Variants in RBM5 observed in about 807,000 individuals in gnomAD.
RBM5 encodes the protein RNA binding motif protein 5.
Under a neutral mutation model 124.6 loss-of-function variants are expected in RBM5, and 15 were observed. That is an observed-to-expected ratio of 0.12 (90% CI 0.08 to 0.19). RBM5 has a LOEUF of 0.19. Among genes scored for constraint, RBM5 ranks in the 10% least tolerant of loss-of-function variants. The pLI, the probability that RBM5 is intolerant of heterozygous loss-of-function variation, is 1.00. For missense variants in RBM5, 580 were observed against 1,026.5 expected (o/e 0.57, Z 5.94); for synonymous variants, 337 against 361.2 (o/e 0.93, Z 0.76).
chr3:50,109,845 T>C (rs1305733426), intron 15 of RBM5, 157 bp downstream of exon 15: 3 of 560,082 alleles, frequency 5.4e-6, no homozygotes, highest in East Asian at 5.9e-5. Context: ...TTTTATGATA[T>C]ATATGTGCAT....
chr3:50,098,662 TC>T (rs2090873498), intron 4 of RBM5, among the ~76,000 whole-genome samples: 1 of 152,070 alleles, frequency 6.6e-6, no homozygotes, highest in Non-Finnish European at 1.5e-5. Context: ...CAGGATGGTC[TC>T]CATCTCTTGA....
chr3:50,106,584 G>A (rs955777921), intron 10 of RBM5, among the ~76,000 whole-genome samples, 183 bp from the exon 11 acceptor site: 1 of 152,150 alleles, frequency 6.6e-6, no homozygotes, highest in African/African-American at 2.4e-5. Context: ...TGGTAATACT[G>A]GAAACCTTCA....
chr3:50,115,395 A>G, intron 20 of RBM5, 33 bp from the exon 21 acceptor site: 2 of 1,602,052 alleles, frequency 1.2e-6, no homozygotes, highest in Non-Finnish European at 8.5e-7. Flanking sequence ...CCTATTGTAC[A>G]TTTCCAGTGA....
intron 14 of RBM5, among the ~76,000 whole-genome samples, chr3:50,108,653 G>A (rs6786780): frequency 0.033 from 4,978 of 152,140 alleles, 301 homozygotes; most frequent in African/African-American, 0.12. Flanking sequence ...ATTGCAGTGA[G>A]CTGAGATTGC....
At chr3:50,118,203 T>G in intron 24 of RBM5, 128 bp from the exon 25 acceptor site, 1 of 1,288,398 alleles carries the variant, frequency 7.8e-7, no homozygotes, top group Non-Finnish European at 1.1e-6. Flanking sequence ...GAGAAATCCT[T>G]GTCTTCATAT....
At chr3:50,110,350 A>C (rs1453816258) in intron 15 of RBM5, 29 bp from the exon 16 acceptor site, 5 of 1,602,090 alleles carry the variant, frequency 3.1e-6, no homozygotes, top group Non-Finnish European at 4.3e-6. Context: ...TTACAGTTGA[A>C]ATTATATTGA....
At chr3:50,103,998 T>C (rs1446017403) in intron 7 of RBM5, among the ~76,000 whole-genome samples, 1 of 152,194 alleles carries the variant, frequency 6.6e-6, no homozygotes, top group Non-Finnish European at 1.5e-5. Flanking sequence ...AGTTTTCAAA[T>C]TAACTGAACC....
intron 4 of RBM5, among the ~76,000 whole-genome samples, chr3:50,095,234 C>T (rs2090789449): frequency 2.6e-5 from 4 of 152,124 alleles, no homozygotes; most frequent in Admixed American, 2.6e-4. Context: ...CATATTTAGG[C>T]TTTGAAGCTC....
Position 50,106,812 on chromosome 3 carries a change from T to C in RBM5, c.901T>C (p.Leu301=), listed in dbSNP as rs145275102. 1,025 of 1,613,404 alleles carry C rather than the reference T, an allele frequency of 6.4e-4. 11 individuals carry two copies. In the South Asian group the frequency reaches 7.8e-3, roughly 12 times the overall value. The change falls in exon 11 of 25, where the codon TTG becomes CTG. Residue 301 remains leucine, a synonymous_variant. Coordinates refer to ENST00000347869, the MANE Select transcript of RBM5 (RefSeq NM_005778.4). ...GATATTACAGAGTCTCCATCCTCCT[T>C]TGAAAATTGATGGCAAAACTATTGG... ...LQILQSLHPP[L]KIDGKTIGVD...
intron 21 of RBM5, 33 bp from the exon 22 acceptor site, chr3:50,115,873 G>C (rs745648685): frequency 6.4e-7 from 1 of 1,568,272 alleles, no homozygotes; most frequent in Non-Finnish European, 8.8e-7. Context: ...GATGGTCTGA[G>C]TCCTTACTGT....
chr3:50,096,405 T>G (rs1247383599), intron 4 of RBM5, among the ~76,000 whole-genome samples: 1 of 151,666 alleles, frequency 6.6e-6, no homozygotes, highest in Non-Finnish European at 1.5e-5. Context: ...GGAAGATCAC[T>G]TGAGCCTAGG....
intron 18 of RBM5, 24 bp from the exon 19 acceptor site, chr3:50,113,926 T>C: frequency 6.2e-7 from 1 of 1,605,254 alleles, no homozygotes. Flanking sequence ...TATTTTTTTG[T>C]TGGTGTTTGT....
intron 2 of RBM5, among the ~76,000 whole-genome samples, chr3:50,090,881 C>T (rs968065952): frequency 6.6e-6 from 1 of 152,156 alleles, no homozygotes; most frequent in African/African-American, 2.4e-5. Flanking sequence ...GGTAAGCAAT[C>T]AATGAATGCC....
intron 3 of RBM5, among the ~76,000 whole-genome samples, chr3:50,092,420 G>A (rs185304734): frequency 1.3e-5 from 2 of 152,052 alleles, no homozygotes; most frequent in African/African-American, 4.8e-5. Context: ...AATTAGCTGA[G>A]TGGGGTGGTG....
At chr3:50,106,078 G>C (rs1221499490) in intron 10 of RBM5, among the ~76,000 whole-genome samples, 1 of 141,384 alleles carries the variant, frequency 7.1e-6, no homozygotes, top group Non-Finnish European at 1.5e-5. Context: ...TCAGCCTCCT[G>C]AGTAGCTGGG....
At position 50,117,949 on chromosome 3, in the gene RBM5, C is replaced by G. The variant is rs1181985913; in HGVS notation, c.2323-382C>G. ...TCTGTCCTGGGAGCACAGCTTAGGTCAGACTCTTGTAGACCATGTTCATCC... is the reference window on the plus strand; with the variant it reads ...TCTGTCCTGGGAGCACAGCTTAGGTGAGACTCTTGTAGACCATGTTCATCC... On this transcript the variant is annotated intron_variant, in intron 24 of 24. Coordinates refer to ENST00000347869, the MANE Select transcript of RBM5 (RefSeq NM_005778.4). The surrounding 1 kb of genome is among the most constrained non-coding windows in gnomAD (Gnocchi z 4.2). 2 of 224,706 alleles carry G rather than the reference C, an allele frequency of 8.9e-6. No individual in the cohort carries two copies. Among genetic ancestry groups the G allele is most frequent in the Admixed American group, 5.1e-5 (1 of 19,520 alleles). The allele number at this position is 224,706 out of a possible 1,614,324, so 13.9% of individuals were successfully genotyped here.
intron 4 of RBM5, among the ~76,000 whole-genome samples, chr3:50,096,834 T>C (rs1251059771): frequency 1.3e-5 from 2 of 151,974 alleles, no homozygotes; most frequent in African/African-American, 4.8e-5. Context: ...CTTGAACTCT[T>C]GTCTTCAATC....
rs770083160 is a variant in RBM5 at position 50,100,519 on chromosome 3, A to T, written c.410-13A>T. On this transcript the variant is annotated splice_polypyrimidine_tract_variant and intron_variant, in intron 5 of 24. Transcript: ENST00000347869. This position sits in a 1 kb window ranked among gnomAD's most constrained non-coding sequence, Gnocchi z 5.1. Reference sequence around the variant, plus strand: ...ACACAAGTATCCCGTCTATATCTGAATGCTGTCTCTAGGTGTAAGCCGTGG... The same window carrying T: ...ACACAAGTATCCCGTCTATATCTGATTGCTGTCTCTAGGTGTAAGCCGTGG... The T allele has an allele frequency of 1.9e-6, 3 of 1,598,390 alleles. No individual in the cohort carries two copies. The highest frequency in any genetic ancestry group is 2.6e-6 in the Non-Finnish European group (3 of 1,165,892).
chr3:50,115,311 C>A, intron 20 of RBM5, 117 bp from the exon 21 acceptor site: 1 of 1,190,450 alleles, frequency 8.4e-7, no homozygotes, highest in Non-Finnish European at 1.2e-6. Flanking sequence ...TAAAGTGTGA[C>A]ATGCAGTAAT....
Sources: allele counts gnomAD v4.1 joint callset (sites outside exome capture counted in the v4.1 genomes callset), GRCh38; gene constraint gnomAD v4.1.1; non-coding constraint Gnocchi (gnomAD v3.1); transcripts MANE v1.5; gene names NCBI Gene and HGNC (gene_info 2026-07-23, HGNC 2026-07-21).